The following PRKACB variants were observed in gnomAD, a reference collection of about 807,000 sequenced individuals.
The protein encoded by PRKACB is protein kinase cAMP-activated catalytic subunit beta.
In PRKACB, 16 loss-of-function variants were observed where a neutral mutation model predicts 51.4. The observed-to-expected ratio is 0.31, with a 90% confidence interval of 0.21 to 0.47. The LOEUF (loss-of-function observed/expected upper bound fraction) is 0.47. Ranked by LOEUF, PRKACB falls within the 20% of genes least tolerant of loss-of-function variation. The pLI is 1.00. For missense variants in PRKACB, 309 were observed against 464.5 expected, an observed-to-expected ratio of 0.67 and a Z score of 3.08; for synonymous variants, 147 against 154.4, an observed-to-expected ratio of 0.95 and a Z score of 0.35.
intron 9 of PRKACB, among the ~76,000 whole-genome samples, chr1:84,219,251 T>C (rs1187533968): frequency 6.7e-6 from 1 of 149,546 alleles, no homozygotes; most frequent in Non-Finnish European, 1.5e-5. Flanking sequence ...TGAGTTGGAG[T>C]TTCGCTCTTG....
intron 7 of PRKACB, among the ~76,000 whole-genome samples, chr1:84,199,756 T>A (rs1026676592): frequency 6.6e-6 from 1 of 152,220 alleles, no homozygotes; most frequent in Non-Finnish European, 1.5e-5. Flanking sequence ...TGAACTAATT[T>A]ACACTCCTAC....
chr1:84,215,821 T>G (rs996766851), intron 9 of PRKACB, among the ~76,000 whole-genome samples: 1 of 152,182 alleles, frequency 6.6e-6, no homozygotes, highest in Non-Finnish European at 1.5e-5. Flanking sequence ...TCTTACATGC[T>G]TAAAGATGAT....
chr1:84,234,619 C>T (rs143818563), intron 9 of PRKACB, among the ~76,000 whole-genome samples: 3,018 of 152,188 alleles, frequency 0.02, 38 homozygotes, highest in South Asian at 0.029. Context: ...TCTCCTGGTG[C>T]GCCGTTTTTT....
chr1:84,119,643 C>G (rs559822883), intron 1 of PRKACB, among the ~76,000 whole-genome samples: 1 of 152,082 alleles, frequency 6.6e-6, no homozygotes, highest in Non-Finnish European at 1.5e-5. Context: ...TGACTTTCCA[C>G]AGCCCTAGTA....
At chr1:84,102,083 G>A (rs1417215697) in intron 1 of PRKACB, among the ~76,000 whole-genome samples, 2 of 151,860 alleles carry the variant, frequency 1.3e-5, no homozygotes, top group African/African-American at 2.4e-5. Flanking sequence ...TATTTAGACT[G>A]AAAGGCTTAT....
intron 1 of PRKACB, among the ~76,000 whole-genome samples, chr1:84,167,569 G>A (rs1391899308): frequency 6.6e-6 from 1 of 151,556 alleles, no homozygotes; most frequent in East Asian, 1.9e-4. Flanking sequence ...TTATAAATTT[G>A]TATGTCACTT....
chr1:84,122,196 C>T (rs1651144432), intron 1 of PRKACB, among the ~76,000 whole-genome samples: 1 of 152,088 alleles, frequency 6.6e-6, no homozygotes, highest in Non-Finnish European at 1.5e-5. Flanking sequence ...TGTAAATTGG[C>T]TAATGTTGGC....
intron 7 of PRKACB, among the ~76,000 whole-genome samples, chr1:84,199,868 T>C (rs1459680817): frequency 2.0e-5 from 3 of 150,978 alleles, no homozygotes; most frequent in African/African-American, 7.3e-5. Context: ...TTTCTGGAGA[T>C]GGAGTCTTGC....
chr1:84,218,029 TA>T (rs1319116366), intron 9 of PRKACB, among the ~76,000 whole-genome samples: 3 of 152,198 alleles, frequency 2.0e-5, no homozygotes, highest in Admixed American at 1.3e-4. Context: ...TGCTGCATAC[TA>T]TTTTTATATA....
At chr1:84,222,657 A>G (rs1572533790) in intron 9 of PRKACB, among the ~76,000 whole-genome samples, 1 of 152,190 alleles carries the variant, frequency 6.6e-6, no homozygotes, top group African/African-American at 2.4e-5. Context: ...TTCCAGATGT[A>G]GGACTACCTT....
chr1:84,177,014 C>T (rs1463787485), intron 1 of PRKACB, among the ~76,000 whole-genome samples: 3 of 151,928 alleles, frequency 2.0e-5, no homozygotes, highest in African/African-American at 4.8e-5. Context: ...TTTTTCTTAA[C>T]TCCAGATCCA....
rs1026596065 is a variant in PRKACB at position 84,235,405 on chromosome 1, C to T, written c.*100C>T. On this transcript the variant is annotated 3_prime_UTR_variant, in exon 10 of 10. Transcript: ENST00000370685. The stretch of plus-strand genomic sequence containing the variant: ...TCCTTGTTGAAGCAGTTACCTAGTT[C>T]CTTCATTCCAACGACTGAGTGAGGT... 16 of 1,488,666 alleles carry T rather than the reference C, an allele frequency of 1.1e-5. No individual in the cohort carries two copies. Among genetic ancestry groups the T allele is most frequent in the African/African-American group, 1.4e-5 (1 of 70,968 alleles). 92.2% of individuals were successfully genotyped at this position (1,488,666 alleles called of 1,614,324 possible).
intron 1 of PRKACB, among the ~76,000 whole-genome samples, chr1:84,122,872 C>T (rs1651204568): frequency 6.6e-6 from 1 of 152,134 alleles, no homozygotes. Flanking sequence ...GTACATTACA[C>T]TTTTATTTGT....
chr1:84,235,331 C>T lies in PRKACB; in HGVS notation c.*26C>T. 3 of 1,613,526 alleles carry T rather than the reference C, an allele frequency of 1.9e-6. No individual in the cohort carries two copies. Among genetic ancestry groups the T allele is most frequent in the Non-Finnish European group, 2.5e-6 (3 of 1,179,684 alleles). ...AGAGGAACAAGATGACATCTGAGCT[C>T]ACACTCAGTGTTTGCACTCTGTTGA... On this transcript the variant is annotated 3_prime_UTR_variant, in exon 10 of 10. Coordinates refer to ENST00000370685, the MANE Select transcript of PRKACB (RefSeq NM_182948.4).
chr1:84,170,872 A>G (rs931992822), intron 1 of PRKACB, among the ~76,000 whole-genome samples: 5 of 151,708 alleles, frequency 3.3e-5, no homozygotes, highest in Non-Finnish European at 5.9e-5. Flanking sequence ...AATTTTATAG[A>G]TATAGATAGA....
intron 1 of PRKACB, among the ~76,000 whole-genome samples, chr1:84,145,994 G>A (rs1029801304): frequency 2.0e-5 from 3 of 151,782 alleles, no homozygotes; most frequent in Non-Finnish European, 4.4e-5. Flanking sequence ...GAATGTTAGG[G>A]GTTTTTAATA....
At chr1:84,083,941 T>C (rs974734147) in intron 1 of PRKACB, among the ~76,000 whole-genome samples, 2 of 152,158 alleles carry the variant, frequency 1.3e-5, no homozygotes, top group Non-Finnish European at 2.9e-5. Context: ...CACAAGACTA[T>C]GGGAATAAAG....
At chr1:84,138,758 A>G (rs1045868646) in intron 1 of PRKACB, among the ~76,000 whole-genome samples, 24 of 152,230 alleles carry the variant, frequency 1.6e-4, no homozygotes, top group African/African-American at 5.1e-4. Context: ...ATGTATCTTT[A>G]TGAACACAAA....
intron 1 of PRKACB, among the ~76,000 whole-genome samples, chr1:84,117,647 G>A (rs1650739780): frequency 3.3e-5 from 5 of 152,008 alleles, no homozygotes; most frequent in African/African-American, 9.7e-5. Context: ...CAGTTGTAAT[G>A]TCTGCTTTTT....
Sources: allele counts gnomAD v4.1 joint callset (sites outside exome capture counted in the v4.1 genomes callset), GRCh38; gene constraint gnomAD v4.1.1; transcripts MANE v1.5; gene names NCBI Gene and HGNC (gene_info 2026-07-23, HGNC 2026-07-21).